Variants in IQSEC1 observed in about 807,000 individuals in gnomAD.
IQSEC1 encodes IQ motif and SEC7 domain-containing protein 1.
IQSEC1 carries 31 observed loss-of-function variants against 91.0 expected under a neutral mutation model. The ratio of observed to expected loss-of-function variants is 0.34; its 90% CI spans 0.26 to 0.46. IQSEC1 has a LOEUF of 0.46. Ranked by LOEUF, IQSEC1 falls within the 20% of genes least tolerant of loss-of-function variation. The probability of loss-of-function intolerance (pLI) is 1.00; values close to 1 mark genes in which losing one functional copy is unlikely to be tolerated. For synonymous variants in IQSEC1, 699 were observed against 662.6 expected, an observed-to-expected ratio of 1.05 and a Z score of -0.84; for missense variants, 1,388 against 1,575.6, an observed-to-expected ratio of 0.88 and a Z score of 2.02.
At chr3:13,038,131 A>T (rs566816466) in intron 1 of IQSEC1, among the ~76,000 whole-genome samples, 89 of 150,818 alleles carry the variant, frequency 5.9e-4, no homozygotes, top group Non-Finnish European at 1.1e-3. Flanking sequence ...TATGCATGGC[A>T]ACAGATGAAT....
At chr3:13,221,898 C>T (rs1245448969) in intron 1 of IQSEC1, among the ~76,000 whole-genome samples, 2 of 152,236 alleles carry the variant, frequency 1.3e-5, no homozygotes, top group African/African-American at 2.4e-5. Context: ...GAGCCAGTTT[C>T]CTCAACCATG....
At position 12,908,527 on chromosome 3, in the gene IQSEC1, T is replaced by TG. The variant is rs772225914; in HGVS notation, c.2579-3dup. The TG allele has an allele frequency of 6.2e-7, 1 of 1,613,452 alleles. No individual in the cohort carries two copies. The highest frequency in any genetic ancestry group is 8.5e-7 in the Non-Finnish European group (1 of 1,179,998). ...CGCCTTTCTGCTTCTCGAGCTCCGC[T>TG]GGAACAGAGAGGGTGAGGGTCCTGG... On this transcript the variant is annotated splice_region_variant and splice_polypyrimidine_tract_variant and intron_variant, in intron 11 of 13. Transcript: ENST00000613206. The surrounding 1 kb of genome is among the most constrained non-coding windows in gnomAD (Gnocchi z 4.9).
chr3:13,098,402 A>G (rs967596059), intron 2 of IQSEC1, among the ~76,000 whole-genome samples: 13 of 152,216 alleles, frequency 8.5e-5, no homozygotes, highest in African/African-American at 3.1e-4. Context: ...TGAAGGATGC[A>G]GAGGAGTTCT....
intron 1 of IQSEC1, among the ~76,000 whole-genome samples, chr3:13,049,182 A>G (rs532260855): frequency 5.1e-4 from 78 of 152,296 alleles, no homozygotes; most frequent in African/African-American, 1.9e-3. Context: ...GATCTGGACA[A>G]GAGGACCCAG....
chr3:13,032,112 C>G (rs1463025475), intron 1 of IQSEC1, among the ~76,000 whole-genome samples: 1 of 152,212 alleles, frequency 6.6e-6, no homozygotes, highest in Non-Finnish European at 1.5e-5. Flanking sequence ...CGCATACACA[C>G]TTTCCCCCTG....
Position 12,899,856 on chromosome 3 carries a change from C to T in IQSEC1, c.*1127G>A, listed in dbSNP as rs564476847. The T allele has an allele frequency of 3.1e-5, 31 of 984,926 alleles. 1 individual carries two copies. The South Asian group carries it at 5.6e-4, about 18-fold the overall frequency. 61.0% of individuals were successfully genotyped at this position (984,926 alleles called of 1,614,324 possible). A position where few individuals can be genotyped will look rare whatever the true frequency, so the allele number is the denominator to read the frequency against. On this transcript the variant is annotated 3_prime_UTR_variant, in exon 14 of 14. Coordinates refer to ENST00000613206, the MANE Select transcript of IQSEC1 (RefSeq NM_001134382.3). Reference sequence around the variant, plus strand: ...TGAGGACGTTATGGTGTTGGGGAGACGAGGATGAGAGCTGGTCACTTTCAT... The same window carrying T: ...TGAGGACGTTATGGTGTTGGGGAGATGAGGATGAGAGCTGGTCACTTTCAT...
At chr3:13,189,176 G>T (rs888697170) in intron 1 of IQSEC1, among the ~76,000 whole-genome samples, 2 of 152,178 alleles carry the variant, frequency 1.3e-5, no homozygotes. Flanking sequence ...AAGGAACTTT[G>T]CAGCCACAGG....
intron 1 of IQSEC1, among the ~76,000 whole-genome samples, chr3:13,260,800 C>T (rs576628616): frequency 6.6e-6 from 1 of 152,252 alleles, no homozygotes; most frequent in African/African-American, 2.4e-5. Context: ...GTCCTGGGGC[C>T]CGGGAGACAG....
chr3:13,028,285 C>T (rs754929382), intron 1 of IQSEC1, among the ~76,000 whole-genome samples: 23 of 152,340 alleles, frequency 1.5e-4, no homozygotes, highest in Admixed American at 3.3e-4. Context: ...AACTGAGTCC[C>T]AGATAAGGGA....
intron 2 of IQSEC1, among the ~76,000 whole-genome samples, chr3:13,137,835 AAAT>A (rs983366582): frequency 6.6e-6 from 1 of 152,186 alleles, no homozygotes. Flanking sequence ...CCATCTCTAA[AAAT>A]AATAATAATA....
chr3:12,919,111 C>CT (rs397783484), intron 6 of IQSEC1, among the ~76,000 whole-genome samples: 18 of 151,828 alleles, frequency 1.2e-4, no homozygotes, highest in African/African-American at 3.9e-4. Flanking sequence ...AGAGGAGGCC[C>CT]GGCCTCCTGG....
At chr3:13,071,754 G>GCCA (rs1448628247) in intron 1 of IQSEC1, among the ~76,000 whole-genome samples, 1 of 146,390 alleles carries the variant, frequency 6.8e-6, no homozygotes. Context: ...CAAACCAGAG[G>GCCA]CCGCCATCCC....
chr3:13,204,105 T>C (rs1694295933), intron 1 of IQSEC1, among the ~76,000 whole-genome samples: 1 of 152,180 alleles, frequency 6.6e-6, no homozygotes, highest in Non-Finnish European at 1.5e-5. Context: ...ACTCTACACC[T>C]TCATGGGCCG....
At chr3:13,070,642 G>A (rs1257426787) in intron 1 of IQSEC1, among the ~76,000 whole-genome samples, 6 of 152,206 alleles carry the variant, frequency 3.9e-5, no homozygotes, top group Admixed American at 1.3e-4. Flanking sequence ...AGATCCTTGC[G>A]TACAAACAGA....
At chr3:13,227,270 G>C (rs1430316836) in intron 1 of IQSEC1, among the ~76,000 whole-genome samples, 1 of 151,454 alleles carries the variant, frequency 6.6e-6, no homozygotes, top group Non-Finnish European at 1.5e-5. Context: ...CAGCTACTCG[G>C]GAGGCTGAGG....
intron 1 of IQSEC1, among the ~76,000 whole-genome samples, chr3:13,176,857 G>A (rs1429835478): frequency 6.6e-6 from 1 of 152,224 alleles, no homozygotes; most frequent in Admixed American, 6.5e-5. Context: ...AGGGAAATCT[G>A]TTGTATCTAT....
At chr3:12,939,752 T>G (rs1211811314) in intron 2 of IQSEC1, among the ~76,000 whole-genome samples, 1 of 152,180 alleles carries the variant, frequency 6.6e-6, no homozygotes, top group Non-Finnish European at 1.5e-5. Context: ...TAATGCCTCC[T>G]TAGAGAGGTC....
At chr3:13,200,111 A>G (rs902492525) in intron 1 of IQSEC1, among the ~76,000 whole-genome samples, 3 of 149,800 alleles carry the variant, frequency 2.0e-5, no homozygotes, top group African/African-American at 7.5e-5. Flanking sequence ...GCACGCACAC[A>G]CACATACACC....
intron 1 of IQSEC1, among the ~76,000 whole-genome samples, chr3:13,168,431 C>T (rs1321921509): frequency 1.3e-5 from 2 of 152,160 alleles, no homozygotes; most frequent in African/African-American, 4.8e-5. Flanking sequence ...GTCTTCCTCA[C>T]TTAACACGGA....
Sources: gnomAD v4.1 joint callset for allele counts (sites outside exome capture counted in the v4.1 genomes callset) on GRCh38, gnomAD v4.1.1 for gene constraint, Gnocchi (gnomAD v3.1) non-coding constraint, MANE v1.5 for transcripts, NCBI Gene and HGNC (gene_info 2026-07-23, HGNC 2026-07-21) for gene names.